The following CLCN1 variants were observed in gnomAD, a reference collection of about 807,000 sequenced individuals.
CLCN1 encodes the protein chloride voltage-gated channel 1, also known as chloride channel protein 1.
In CLCN1, 100 loss-of-function variants were observed where a neutral mutation model predicts 114.5. The observed-to-expected ratio is 0.87, with a 90% confidence interval of 0.74 to 1.03. The LOEUF (loss-of-function observed/expected upper bound fraction) is 1.03. CLCN1 is among the 50% of genes least tolerant of loss of function. The pLI is 0.00. For missense variants in CLCN1, 1,188 were observed against 1,250.0 expected, an observed-to-expected ratio of 0.95 and a Z score of 0.75; for synonymous variants, 485 against 487.1, an observed-to-expected ratio of 1.00 and a Z score of 0.06.
Position 143,339,234 on chromosome 7 carries a change from A to G in CLCN1, c.1402-19A>G, listed in dbSNP as rs761792357. 8 of 1,554,802 alleles carry G rather than the reference A, an allele frequency of 5.1e-6. No homozygotes were observed. In the East Asian group the frequency reaches 1.6e-4, roughly 30 times the overall value. ...TGGGCAGAGTTGAAAGGGTATTCCA[A>G]CGCTTCTTTCTACTCCAGTTCTGGA... is the stretch of plus-strand genomic sequence containing the variant. On this transcript the variant is annotated intron_variant, in intron 12 of 22. Coordinates refer to ENST00000343257, the MANE Select transcript of CLCN1 (RefSeq NM_000083.3). This position sits in a 1 kb window ranked among gnomAD's most constrained non-coding sequence, Gnocchi z 4.1.
rs182905071 is a variant in CLCN1, at chr7:143,327,692, T to C, written c.854-3080T>C. ...CTTTTTGAGAGAGGGCCTTGCTCTGTGGCCCAGGCTGGAGTGCAGTGGCGC... is the reference window on the plus strand; with the variant it reads ...CTTTTTGAGAGAGGGCCTTGCTCTGCGGCCCAGGCTGGAGTGCAGTGGCGC... On this transcript the variant is annotated intron_variant, in intron 7 of 22. Coordinates refer to ENST00000343257, the MANE Select transcript of CLCN1 (RefSeq NM_000083.3). Among the ~76,000 whole-genome samples the C allele has an allele frequency of 2.4e-4, 36 of 152,294 alleles. 1 individual carries two copies. The highest frequency in any genetic ancestry group is 1.7e-3 in the Admixed American group (26 of 15,290).
chr7:143,346,557 A>T (rs1208468243), intron 18 of CLCN1, 22 bp from the exon 19 acceptor site: 9 of 1,590,066 alleles, frequency 5.7e-6, no homozygotes, highest in Middle Eastern at 1.7e-4. Context: ...GTCCATTTCC[A>T]TCCACTCACC....
chr7:143,331,332 T>G lies in CLCN1; in HGVS notation c.1064+16T>G. ...CTGCCATCGGGTCAGTGGGGTTACC[T>G]GCTCTGTGTGTGGTGAGCAGGGTGT... On this transcript the variant is annotated intron_variant, in intron 9 of 22. Transcript: ENST00000343257. The G allele has an allele frequency of 6.4e-7, 1 of 1,563,120 alleles. No individual in the cohort carries two copies. The highest frequency in any genetic ancestry group is 8.8e-7 in the Non-Finnish European group (1 of 1,133,670).
At chr7:143,351,065 AC>A (rs1422132907) in intron 22 of CLCN1, among the ~76,000 whole-genome samples, 23 of 152,230 alleles carry the variant, frequency 1.5e-4, no homozygotes, top group African/African-American at 5.3e-4. Context: ...GGCATGAGCC[AC>A]CATGCCTGGC....
At chr7:143,318,867 G>T (rs1252199835) in intron 1 of CLCN1, among the ~76,000 whole-genome samples, 1 of 152,210 alleles carries the variant, frequency 6.6e-6, no homozygotes, top group Non-Finnish European at 1.5e-5. Flanking sequence ...ATTCATGTGC[G>T]TGCTTGTTCA....
Position 143,339,357 on chromosome 7 carries a change from G to C in CLCN1, c.1471+35G>C, listed in dbSNP as rs1190891485. The C allele has an allele frequency of 2.6e-6, 4 of 1,531,926 alleles. No individual in the cohort carries two copies. The highest frequency in any genetic ancestry group is 1.7e-4 in the Middle Eastern group (1 of 5,892). The allele number at this position is 1,531,926 out of a possible 1,614,324, so 94.9% of individuals were successfully genotyped here. On this transcript the variant is annotated intron_variant, in intron 13 of 22. Coordinates refer to ENST00000343257, the MANE Select transcript of CLCN1 (RefSeq NM_000083.3). The surrounding 1 kb of genome is among the most constrained non-coding windows in gnomAD (Gnocchi z 4.1). ...GATGGGAAGCCTGGGGTCTGACTGA[G>C]AGTTGCAATCTAGGATACAGGAAAC...
At chr7:143,348,978 A>G (rs1278688881) in intron 20 of CLCN1, among the ~76,000 whole-genome samples, 2 of 152,244 alleles carry the variant, frequency 1.3e-5, no homozygotes, top group African/African-American at 2.4e-5. Context: ...TAAAGTGAAG[A>G]TAATGATAGA....
Position 143,320,656 on chromosome 7 carries a change from C to T in CLCN1, c.302-8C>T. 1.9e-6 allele frequency: 3 copies of T among 1,611,142 alleles called. No homozygotes were observed. Among genetic ancestry groups the T allele is most frequent in the Non-Finnish European group, 1.7e-6 (2 of 1,178,150 alleles). On this transcript the variant is annotated splice_polypyrimidine_tract_variant and splice_region_variant and intron_variant, in intron 2 of 22. Transcript: ENST00000343257. ...TGTTTGTTTGTTTTTTCCCTCATCTCTTCCTAGATTGTATCCACCGCCTGG... is the reference window on the plus strand; with the variant it reads ...TGTTTGTTTGTTTTTTCCCTCATCTTTTCCTAGATTGTATCCACCGCCTGG...
chr7:143,335,603 T>C (rs1802855362), intron 12 of CLCN1, among the ~76,000 whole-genome samples: 1 of 151,910 alleles, frequency 6.6e-6, no homozygotes, highest in Non-Finnish European at 1.5e-5. Flanking sequence ...AAATGTAGTC[T>C]ATGTGGTCTT....
chr7:143,345,829 C>T, intron 17 of CLCN1, 67 bp downstream of exon 17: 1 of 1,345,020 alleles, frequency 7.4e-7, no homozygotes, highest in Non-Finnish European at 1.0e-6. Context: ...GTCGTCTGGG[C>T]TGGGCTGGGC....
rs1364527068 is a variant in CLCN1 at position 143,350,666 on chromosome 7, G to A, written c.2595+12G>A. ...TGGCCCTGGAGGAGGTAATCACGAT[G>A]TGTCCCATTTGAGCAGCAGGAGGGA... On this transcript the variant is annotated intron_variant, in intron 22 of 22. Transcript: ENST00000343257. The surrounding 1 kb of genome is among the most constrained non-coding windows in gnomAD (Gnocchi z 5.1). The A allele has an allele frequency of 2.5e-6, 4 of 1,608,546 alleles. No individual in the cohort carries two copies. Among genetic ancestry groups the A allele is most frequent in the Non-Finnish European group, 3.4e-6 (4 of 1,175,156 alleles).
intron 12 of CLCN1, among the ~76,000 whole-genome samples, chr7:143,334,191 C>T (rs930178906): frequency 1.5e-4 from 23 of 150,130 alleles, no homozygotes; most frequent in African/African-American, 4.7e-4. Flanking sequence ...CCAGCCTGGG[C>T]GACAAGGGCA....
intron 22 of CLCN1, among the ~76,000 whole-genome samples, chr7:143,351,390 A>G (rs967885231): frequency 1.3e-4 from 19 of 151,966 alleles, no homozygotes; most frequent in African/African-American, 4.1e-4. Context: ...ATCTTTTGTC[A>G]TGCCCCTTTT....
chr7:143,337,170 C>T (rs540490836), intron 12 of CLCN1, among the ~76,000 whole-genome samples: 3 of 152,140 alleles, frequency 2.0e-5, no homozygotes, highest in Non-Finnish European at 4.4e-5. Context: ...CTCTGAGAAG[C>T]TTTTCCTCCT....
intron 3 of CLCN1, 64 bp downstream of exon 3, chr7:143,320,859 T>G: frequency 6.3e-7 from 1 of 1,596,456 alleles, no homozygotes; most frequent in Admixed American, 1.7e-5. Flanking sequence ...GTAAGCAGGG[T>G]GTGTTATCGG....
chr7:143,327,090 A>T (rs1284147287), intron 7 of CLCN1, among the ~76,000 whole-genome samples: 2 of 152,146 alleles, frequency 1.3e-5, no homozygotes, highest in African/African-American at 4.8e-5. Flanking sequence ...TATTAAGAAT[A>T]CAAAAATTAG....
intron 9 of CLCN1, 68 bp downstream of exon 9, chr7:143,331,384 C>A (rs1802720102): frequency 1.6e-6 from 2 of 1,285,790 alleles, no homozygotes; most frequent in Middle Eastern, 1.8e-4. Context: ...TTGGAAGGGA[C>A]CCAAGCTAGA....
chr7:143,317,310 G>A (rs2116831098), intron 1 of CLCN1, among the ~76,000 whole-genome samples: 1 of 145,150 alleles, frequency 6.9e-6, no homozygotes, highest in East Asian at 2.0e-4. Flanking sequence ...GTGCAGTGGT[G>A]CTATCTTGGC....
chr7:143,320,057 T>C (rs1802385054), intron 2 of CLCN1, among the ~76,000 whole-genome samples, 182 bp downstream of exon 2: 1 of 152,212 alleles, frequency 6.6e-6, no homozygotes, highest in African/African-American at 2.4e-5. Flanking sequence ...GGAGTGATCA[T>C]AGCTCACTGC....
Sources: allele counts gnomAD v4.1 joint callset (sites outside exome capture counted in the v4.1 genomes callset), GRCh38; gene constraint gnomAD v4.1.1; non-coding constraint Gnocchi (gnomAD v3.1); transcripts MANE v1.5; gene names NCBI Gene and HGNC (gene_info 2026-07-23, HGNC 2026-07-21).